The following UBE2O variants were observed in gnomAD, a reference collection of about 807,000 sequenced individuals.
UBE2O encodes ubiquitin conjugating enzyme E2 O.
Under a neutral mutation model 125.8 loss-of-function variants are expected in UBE2O, and 15 were observed. That is an observed-to-expected ratio of 0.12 (90% CI 0.08 to 0.18). UBE2O has a LOEUF of 0.18. UBE2O is among the 10% of genes least tolerant of loss of function. The pLI, the probability that UBE2O is intolerant of heterozygous loss-of-function variation, is 1.00. For missense variants in UBE2O, 1,280 were observed against 1,723.6 expected (o/e 0.74, Z 4.56); for synonymous variants, 708 against 703.2 (o/e 1.01, Z -0.11).
In UBE2O at chr17:76,452,242, TCTTGGGTTCGGCTGGGATTTTCAC is replaced by T. The variant is rs1299528586; in HGVS notation, c.417+459_417+482del. Among the ~76,000 whole-genome samples the T allele has an allele frequency of 6.6e-6, 1 of 152,136 alleles. No individual in the cohort carries two copies. The highest frequency in any genetic ancestry group is 1.9e-4 in the East Asian group (1 of 5,192). On this transcript the variant is annotated intron_variant, in intron 1 of 17. Transcript: ENST00000319380. This position sits in a 1 kb window ranked among gnomAD's most constrained non-coding sequence, Gnocchi z 4.4. ...AATGCAGCCTGTAAGCTAGTGAACT[TCTTGGGTTCGGCTGGGATTTTCAC>T]CTCTATCTTTGTTTTGGAATGCCCA...
Position 76,391,970 on chromosome 17 carries a change from G to A in UBE2O, c.3090C>T (p.Asn1030=), listed in dbSNP as rs1414222593. The A allele has an allele frequency of 3.7e-6, 6 of 1,608,910 alleles. No individual in the cohort carries two copies. The African/African-American group carries it at 8.0e-5, about 22-fold the overall frequency. The change falls in exon 16 of 18, where the codon AAC becomes AAT. Residue 1030 remains asparagine (N), a synonymous_variant. Transcript: ENST00000319380. This position sits in a 1 kb window ranked among gnomAD's most constrained non-coding sequence, Gnocchi z 8.4. ...CCTTCCCATTGTCATACAGGTTGGG[G>A]TTCAGGCGGCCACTGCATTGGGAGA... is the stretch of plus-strand genomic sequence containing the variant. ...CYLSQCSGRL[N]PNLYDNGKVC...
rs186223642 is a variant in UBE2O at position 76,399,389 on chromosome 17, C to G, written c.1628+60G>C. The G allele has an allele frequency of 4.6e-6, 7 of 1,512,968 alleles. No homozygotes were observed. Among genetic ancestry groups the G allele is most frequent in the African/African-American group, 4.1e-5 (3 of 73,026 alleles). 93.7% of individuals were successfully genotyped at this position (1,512,968 alleles called of 1,614,324 possible). ...AGCGCAGGCACGCACACCGAGGGGA[C>G]GCGCACTCTGCCTGGCTTCACGCTG... On this transcript the variant is annotated intron_variant, in intron 9 of 17. Transcript: ENST00000319380. This position sits in a 1 kb window ranked among gnomAD's most constrained non-coding sequence, Gnocchi z 6.9.
In UBE2O at chr17:76,399,476, A is replaced by G; in HGVS notation, c.1601T>C (p.Ile534Thr). 1 of 1,614,024 alleles carries G rather than the reference A, an allele frequency of 6.2e-7. No individual in the cohort carries two copies. The highest frequency in any genetic ancestry group is 8.5e-7 in the Non-Finnish European group (1 of 1,179,990). ...GTCCCCTGGCTTGAAGTCTCGAGTG[A>G]TTTTATTCTTCTTCCTCTTGTGTTT... ...KRKHKRKKNK[I>T]TRDFKPGDRV... is the part of the protein sequence containing the mutation. Residue 534 changes from isoleucine (I) to threonine (T), a missense_variant, in exon 9 of 18, where the codon ATC becomes ACC. Around this residue, in one of 10 missense-constraint regions of UBE2O, gnomAD observed 145 missense variants for 219.6 expected, o/e 0.66. Coordinates refer to ENST00000319380, the MANE Select transcript of UBE2O (RefSeq NM_022066.4). The surrounding 1 kb of genome is among the most constrained non-coding windows in gnomAD (Gnocchi z 6.9).
In UBE2O at chr17:76,438,370, AAAACTT is replaced by A. The variant is rs576359418; in HGVS notation, c.417+14349_417+14354del. The stretch of plus-strand genomic sequence containing the variant: ...CATATTTTACTACAATTAAAAAAGA[AAAACTT>A]AAAGGCTCCTCGTCGCTCTTCTGAT... On this transcript the variant is annotated intron_variant, in intron 1 of 17. Coordinates refer to ENST00000319380, the MANE Select transcript of UBE2O (RefSeq NM_022066.4). 5.4e-3 allele frequency among the ~76,000 whole-genome samples: 819 copies of A among 152,214 alleles called. 1 individual carries two copies. The highest frequency in any genetic ancestry group is 0.014 in the Middle Eastern group (4 of 294).
At chr17:76,407,295 T>A (rs751168646) in intron 1 of UBE2O, among the ~76,000 whole-genome samples, 4 of 152,216 alleles carry the variant, frequency 2.6e-5, no homozygotes, top group Non-Finnish European at 5.9e-5. Context: ...CCCAGGAGGC[T>A]GGAGAGGCAT....
At chr17:76,444,111 C>T (rs1193810035) in intron 1 of UBE2O, among the ~76,000 whole-genome samples, 3 of 152,138 alleles carry the variant, frequency 2.0e-5, no homozygotes, top group Non-Finnish European at 4.4e-5. Context: ...ATCCCAGCTA[C>T]TTGGGAGGCT....
In UBE2O at chr17:76,400,372, C is replaced by G; in HGVS notation, c.1004+69G>C. ...AGCAGTGTTCTTAAGCCTCCCCAGGCATGTGACCAGGGCCCAGAGCCCTGT... is the reference window on the plus strand; with the variant it reads ...AGCAGTGTTCTTAAGCCTCCCCAGGGATGTGACCAGGGCCCAGAGCCCTGT... On this transcript the variant is annotated intron_variant, in intron 7 of 17. Coordinates refer to ENST00000319380, the MANE Select transcript of UBE2O (RefSeq NM_022066.4). The surrounding 1 kb of genome is among the most constrained non-coding windows in gnomAD (Gnocchi z 4.3). 6.3e-7 allele frequency: 1 copy of G among 1,594,022 alleles called. No homozygotes were observed. The highest frequency in any genetic ancestry group is 8.6e-7 in the Non-Finnish European group (1 of 1,167,582).
chr17:76,434,740 C>T (rs1403086530), intron 1 of UBE2O, among the ~76,000 whole-genome samples: 2 of 151,260 alleles, frequency 1.3e-5, no homozygotes, highest in Non-Finnish European at 2.9e-5. Context: ...TCGAAAGGCA[C>T]CTGCGATGTT....
chr17:76,394,594 T>C lies in UBE2O; in HGVS notation c.2946+1131A>G, dbSNP rs145920020. ...CTGTGTGTAAACAAATCATACAAAATATTATGTACTTATGGTGATACATGA... is the reference window on the plus strand; with the variant it reads ...CTGTGTGTAAACAAATCATACAAAACATTATGTACTTATGGTGATACATGA... On this transcript the variant is annotated intron_variant, in intron 15 of 17. Transcript: ENST00000319380. 1.7e-4 allele frequency among the ~76,000 whole-genome samples: 26 copies of C among 152,332 alleles called. 1 individual carries two copies. In the East Asian group the frequency reaches 3.3e-3, roughly 19 times the overall value.
chr17:76,408,849 G>T (rs540787317), intron 1 of UBE2O, among the ~76,000 whole-genome samples: 138 of 152,188 alleles, frequency 9.1e-4, no homozygotes, highest in African/African-American at 3.1e-3. Flanking sequence ...CCTGCTTGTA[G>T]TTTAAAAAAA....
chr17:76,439,364 A>G (rs889800501), intron 1 of UBE2O, among the ~76,000 whole-genome samples: 2 of 152,164 alleles, frequency 1.3e-5, no homozygotes, highest in Non-Finnish European at 2.9e-5. Flanking sequence ...GGTCCTCAAA[A>G]TATGGCCCAG....
In UBE2O at chr17:76,396,677, T is replaced by G. The variant is rs1296668475; in HGVS notation, c.2260A>C (p.Lys754Gln). 1 of 1,613,572 alleles carries G rather than the reference T, an allele frequency of 6.2e-7. No individual in the cohort carries two copies. The highest frequency in any genetic ancestry group is 2.2e-5 in the East Asian group (1 of 44,882). The change falls in exon 14 of 18, where the codon AAG (lysine) becomes CAG (glutamine). Residue 754 changes from lysine (K) to glutamine (Q), a missense_variant. Lys to Gln is a moderately conservative substitution (Grantham distance 53, BLOSUM62 1). Transcript: ENST00000319380. The surrounding 1 kb of genome is among the most constrained non-coding windows in gnomAD (Gnocchi z 6.7). ...GGTGGGATGGGGGGCTCCTCTATCT[T>G]GGGGTGCTCGTCCTCCACCAGCCCA... Reference protein sequence around the residue: ...DNGLVEDEHPKIEEPPIPPLE... With the variant: ...DNGLVEDEHPQIEEPPIPPLE...
intron 1 of UBE2O, among the ~76,000 whole-genome samples, chr17:76,443,919 A>G (rs2073114134): frequency 6.6e-6 from 1 of 152,124 alleles, no homozygotes; most frequent in Non-Finnish European, 1.5e-5. Context: ...GGAAGGAAAT[A>G]CCGTTAAGAG....
intron 1 of UBE2O, chr17:76,430,524 A>C (rs1304341127): frequency 4.0e-6 from 1 of 249,812 alleles, no homozygotes; most frequent in African/African-American, 2.3e-5. Flanking sequence ...TGTGGAGAGG[A>C]TAACTTGAAG....
chr17:76,396,824 G>A lies in UBE2O; in HGVS notation c.2116-3C>T, dbSNP rs1250303003. 2 of 1,570,964 alleles carry A rather than the reference G, an allele frequency of 1.3e-6. No homozygotes were observed. Among genetic ancestry groups the A allele is most frequent in the African/African-American group, 2.7e-5 (2 of 74,020 alleles). On this transcript the variant is annotated splice_region_variant and splice_polypyrimidine_tract_variant and intron_variant, in intron 13 of 17. Transcript: ENST00000319380. This position sits in a 1 kb window ranked among gnomAD's most constrained non-coding sequence, Gnocchi z 6.7. Reference sequence around the variant, plus strand: ...TCAGACTCTATGTTGTACAAGTGCTGGGGGCAGAAGGGAAGTGCCAGGGTA... The same window carrying A: ...TCAGACTCTATGTTGTACAAGTGCTAGGGGCAGAAGGGAAGTGCCAGGGTA...
chr17:76,432,411 C>T (rs1598614945), intron 1 of UBE2O, among the ~76,000 whole-genome samples: 1 of 152,258 alleles, frequency 6.6e-6, no homozygotes, highest in East Asian at 1.9e-4. Context: ...CAGCATGCCA[C>T]GGTACATGTG....
Position 76,404,755 on chromosome 17 carries a change from AG to A in UBE2O, c.588+450del, listed in dbSNP as rs2072387203. ...TAGCTTGCTGTCAAATGTTTTGGGA[AG>A]AAAAAAGACCGGAGGGGGATCTCGG... On this transcript the variant is annotated intron_variant, in intron 3 of 17. Coordinates refer to ENST00000319380, the MANE Select transcript of UBE2O (RefSeq NM_022066.4). The surrounding 1 kb of genome is among the most constrained non-coding windows in gnomAD (Gnocchi z 4.3). Among the ~76,000 whole-genome samples, 1 of 152,092 alleles carries A rather than the reference AG, an allele frequency of 6.6e-6. No homozygotes were observed. The highest frequency in any genetic ancestry group is 1.5e-5 in the Non-Finnish European group (1 of 68,010).
In UBE2O at chr17:76,402,425, T is replaced by G. The variant is rs2072343460; in HGVS notation, c.686+177A>C. On this transcript the variant is annotated intron_variant, in intron 4 of 17. Transcript: ENST00000319380. This position sits in a 1 kb window ranked among gnomAD's most constrained non-coding sequence, Gnocchi z 5.4. ...CAGATCAGAAACTGAGCAACAGAAA[T>G]AGGCCACGGCAGATAAGGAGAACGG... Among the ~76,000 whole-genome samples the G allele has an allele frequency of 6.6e-6, 1 of 152,060 alleles. No homozygotes were observed. Among genetic ancestry groups the G allele is most frequent in the Non-Finnish European group, 1.5e-5 (1 of 67,984 alleles).
rs114161260 is a variant in UBE2O, at chr17:76,417,125, T to G, written c.418-11553A>C. On this transcript the variant is annotated intron_variant, in intron 1 of 17. Transcript: ENST00000319380. ...CTGAGCTGAATGAGCTCCAGGCCCTTCCGGCTACAGCTCCAGAGCTTGTCC... is the reference window on the plus strand; with the variant it reads ...CTGAGCTGAATGAGCTCCAGGCCCTGCCGGCTACAGCTCCAGAGCTTGTCC... Among the ~76,000 whole-genome samples the G allele has an allele frequency of 8.8e-3, 1,342 of 152,334 alleles. 24 individuals are homozygous for G. The highest frequency in any genetic ancestry group is 0.03 in the African/African-American group (1,231 of 41,574).
Sources: gnomAD v4.1 joint callset for allele counts (sites outside exome capture counted in the v4.1 genomes callset) on GRCh38, gnomAD v4.1.1 for gene constraint, gnomAD v4.1.1 regional missense constraint, Gnocchi (gnomAD v3.1) non-coding constraint, MANE v1.5 for transcripts, NCBI Gene and HGNC (gene_info 2026-07-23, HGNC 2026-07-21) for gene names.